NEGR1: variants seen among roughly 807,000 people sequenced by gnomAD.
The protein encoded by NEGR1 is IgLON family member 4.
Under a neutral mutation model 40.9 loss-of-function variants are expected in NEGR1, and 10 were observed. The observed-to-expected ratio is 0.24, with a 90% CI of 0.15 to 0.42. The LOEUF (loss-of-function observed/expected upper bound fraction) is 0.42. Among genes scored for constraint, NEGR1 ranks in the 10% least tolerant of loss-of-function variants. The pLI, the probability that NEGR1 is intolerant of heterozygous loss-of-function variation, is 1.00. For synonymous variants in NEGR1, 185 were observed against 166.8 expected (o/e 1.11, Z -0.84); for missense variants, 352 against 438.9 (o/e 0.80, Z 1.77).
chr1:72,008,596 T>C (rs977899768), intron 1 of NEGR1, among the ~76,000 whole-genome samples: 4 of 152,126 alleles, frequency 2.6e-5, no homozygotes, highest in South Asian at 2.1e-4. Context: ...TAATTGTTCA[T>C]ACATTTTAAA....
rs146235781 is a variant in NEGR1, at chr1:71,713,258, A to G, written c.536-15119T>C. ...TTCTGCCATATCGATGTGTCTACTT[A>G]CTGATGACCTACGGGAAAATTATTT... On this transcript the variant is annotated intron_variant, in intron 3 of 6. Coordinates refer to ENST00000357731, the MANE Select transcript of NEGR1 (RefSeq NM_173808.3). 2.1e-4 allele frequency among the ~76,000 whole-genome samples: 32 copies of G among 152,290 alleles called. No individual in the cohort carries two copies. The East Asian group carries it at 5.8e-3, about 28-fold the overall frequency.
chr1:71,417,726 TG>T (rs1171509546), intron 6 of NEGR1, among the ~76,000 whole-genome samples: 1 of 152,222 alleles, frequency 6.6e-6, no homozygotes, highest in Admixed American at 6.5e-5. Flanking sequence ...TCTAGTGTTA[TG>T]ATAAGCAAAT....
intron 1 of NEGR1, among the ~76,000 whole-genome samples, chr1:72,242,956 A>G (rs1215483271): frequency 6.6e-6 from 1 of 151,748 alleles, no homozygotes; most frequent in Non-Finnish European, 1.5e-5. Flanking sequence ...TGTTTAATAA[A>G]AGTAATATTA....
chr1:71,498,491 C>A (rs1260471739), intron 6 of NEGR1, among the ~76,000 whole-genome samples: 3 of 152,102 alleles, frequency 2.0e-5, no homozygotes, highest in Non-Finnish European at 4.4e-5. Context: ...GGCTTTTTCA[C>A]TCTGCTTTAC....
At chr1:72,208,786 C>A (rs1557579386) in intron 1 of NEGR1, among the ~76,000 whole-genome samples, 1 of 151,528 alleles carries the variant, frequency 6.6e-6, no homozygotes, top group Non-Finnish European at 1.5e-5. Context: ...TTTGTTTAAA[C>A]ATCTTAACAA....
At chr1:72,059,174 T>C (rs1323922833) in intron 1 of NEGR1, among the ~76,000 whole-genome samples, 1 of 151,618 alleles carries the variant, frequency 6.6e-6, no homozygotes. Context: ...AGCAGCTGCA[T>C]AGAGTACAGC....
At position 72,156,941 on chromosome 1, in the gene NEGR1, T is replaced by TTTGTTGTTG. The variant is rs71074822; in HGVS notation, c.176+125369_176+125377dup. Among the ~76,000 whole-genome samples, 1,436 of 149,870 alleles carry TTTGTTGTTG rather than the reference T, an allele frequency of 9.6e-3. 26 individuals are homozygous for TTTGTTGTTG. The highest frequency in any genetic ancestry group is 0.033 in the African/African-American group (1,362 of 41,006). On this transcript the variant is annotated intron_variant, in intron 1 of 6. Transcript: ENST00000357731. ...TAAAACAGGGCTTGCTTGTATGTGT[T>TTTGTTGTTG]TTGTTGTTGTTGTTGTTGTTGTTGT...
intron 4 of NEGR1, among the ~76,000 whole-genome samples, chr1:71,655,373 C>T (rs763317891): frequency 1.3e-5 from 2 of 152,026 alleles, no homozygotes; most frequent in Non-Finnish European, 2.9e-5. Context: ...ACCATTTATA[C>T]CTAAAGCCTT....
chr1:71,844,985 T>C (rs778119885), intron 2 of NEGR1, among the ~76,000 whole-genome samples: 2 of 152,162 alleles, frequency 1.3e-5, no homozygotes, highest in Non-Finnish European at 2.9e-5. Flanking sequence ...GTTTTGAACA[T>C]ATATATTAAA....
At chr1:71,928,607 T>TTA (rs941375003) in intron 2 of NEGR1, among the ~76,000 whole-genome samples, 30 of 149,832 alleles carry the variant, frequency 2.0e-4, no homozygotes, top group South Asian at 8.5e-4. Context: ...TCTCACTGTT[T>TTA]TATATATATA....
At chr1:72,230,610 C>T (rs1654332091) in intron 1 of NEGR1, among the ~76,000 whole-genome samples, 1 of 152,164 alleles carries the variant, frequency 6.6e-6, no homozygotes, top group Admixed American at 6.6e-5. Context: ...TAGCCAGCAA[C>T]TTTCCATCTT....
intron 3 of NEGR1, among the ~76,000 whole-genome samples, chr1:71,772,368 C>A (rs892999166): frequency 4.6e-5 from 7 of 151,874 alleles, no homozygotes; most frequent in Non-Finnish European, 1.0e-4. Context: ...CACACCACTG[C>A]ACTCTAGTCT....
rs554240334 is a variant in NEGR1, at chr1:72,144,678, T to A, written c.176+137641A>T. 7.9e-5 allele frequency among the ~76,000 whole-genome samples: 12 copies of A among 152,132 alleles called. No individual in the cohort carries two copies. The South Asian group carries it at 2.5e-3, about 32-fold the overall frequency. On this transcript the variant is annotated intron_variant, in intron 1 of 6. Coordinates refer to ENST00000357731, the MANE Select transcript of NEGR1 (RefSeq NM_173808.3). ...CTTTTCCCAAAGACACAATCTCACT[T>A]CTCTAATGAATGTCCAAATTTCAGA... is the stretch of plus-strand genomic sequence containing the variant.
chr1:71,437,389 A>G (rs1646516880), intron 6 of NEGR1, among the ~76,000 whole-genome samples: 1 of 152,264 alleles, frequency 6.6e-6, no homozygotes, highest in East Asian at 1.9e-4. Flanking sequence ...ATTGACTTGT[A>G]TATTTTCAAT....
At chr1:71,497,838 C>A (rs968188898) in intron 6 of NEGR1, among the ~76,000 whole-genome samples, 2 of 152,030 alleles carry the variant, frequency 1.3e-5, no homozygotes, top group African/African-American at 2.4e-5. Flanking sequence ...CTTCCCTTTC[C>A]ATTTATTGAT....
chr1:72,043,365 C>T (rs1646972658), intron 1 of NEGR1, among the ~76,000 whole-genome samples: 1 of 151,720 alleles, frequency 6.6e-6, no homozygotes, highest in Admixed American at 6.6e-5. Context: ...CACCTGGGTC[C>T]TGACTGATAT....
At chr1:71,970,986 C>T (rs994833134) in intron 1 of NEGR1, among the ~76,000 whole-genome samples, 1 of 152,168 alleles carries the variant, frequency 6.6e-6, no homozygotes, top group Non-Finnish European at 1.5e-5. Flanking sequence ...AGGGTCTTTA[C>T]AGATGTAATT....
intron 2 of NEGR1, among the ~76,000 whole-genome samples, chr1:71,897,160 A>AATAT (rs545897885): frequency 0.015 from 2,262 of 150,314 alleles, 44 homozygotes; most frequent in South Asian, 0.1. Flanking sequence ...TATGTTATAG[A>AATAT]ATATATATAT....
intron 4 of NEGR1, among the ~76,000 whole-genome samples, chr1:71,640,953 G>C (rs1651330197): frequency 6.6e-6 from 1 of 151,960 alleles, no homozygotes; most frequent in South Asian, 2.1e-4. Flanking sequence ...CCTTGCCATT[G>C]GATAATTAAC....
Sources: gnomAD v4.1 joint callset for allele counts (sites outside exome capture counted in the v4.1 genomes callset) on GRCh38, gnomAD v4.1.1 for gene constraint, MANE v1.5 for transcripts, NCBI Gene and HGNC (gene_info 2026-07-23, HGNC 2026-07-21) for gene names.